The following GBP7 variants were observed in gnomAD, a reference collection of about 807,000 sequenced individuals.
GBP7 encodes guanylate-binding protein 7.
Under a neutral mutation model 61.3 loss-of-function variants are expected in GBP7, and 43 were observed. That is an observed-to-expected ratio of 0.70 (90% CI 0.55 to 0.91). The LOEUF (loss-of-function observed/expected upper bound fraction) is 0.91. Among genes scored for constraint, GBP7 ranks in the 40% least tolerant of loss-of-function variants. The probability of loss-of-function intolerance (pLI) is 0.00; values close to 1 mark genes in which losing one functional copy is unlikely to be tolerated. For synonymous variants in GBP7, 267 were observed against 271.0 expected, an observed-to-expected ratio of 0.99 and a Z score of 0.14; for missense variants, 717 against 740.5, an observed-to-expected ratio of 0.97 and a Z score of 0.37.
chr1:89,145,080 G>A (rs2100642797), intron 8 of GBP7, among the ~76,000 whole-genome samples: 1 of 151,580 alleles, frequency 6.6e-6, no homozygotes, highest in Middle Eastern at 3.4e-3. Context: ...AGCCTCCAGA[G>A]TAGCTGGGAC....
In GBP7 at chr1:89,150,334, T is replaced by C; in HGVS notation, c.867A>G (p.Gly289=). The C allele has an allele frequency of 1.2e-6, 2 of 1,612,632 alleles. No individual in the cohort carries two copies. Among genetic ancestry groups the C allele is most frequent in the Non-Finnish European group, 1.7e-6 (2 of 1,178,668 alleles). The part of the protein sequence containing the change: ...KTLREGILVT[G]NRLGMLVETY... ...CATATAGGGAAATAGACTCACGGTT[T>C]CCAGTGACAAGGATTCCCTCTCTCA... Residue 289 remains glycine (G), a synonymous_variant, in exon 6 of 11, where the codon GGA becomes GGG. Transcript: ENST00000294671.
intron 8 of GBP7, among the ~76,000 whole-genome samples, chr1:89,144,901 C>T (rs528654311): frequency 5.9e-5 from 9 of 152,142 alleles, no homozygotes; most frequent in Admixed American, 3.3e-4. Flanking sequence ...CCTCCTACCC[C>T]TCTCTGTCTG....
intron 3 of GBP7, among the ~76,000 whole-genome samples, chr1:89,153,930 A>G (rs1013151938): frequency 2.6e-5 from 4 of 152,252 alleles, no homozygotes; most frequent in Non-Finnish European, 4.4e-5. Flanking sequence ...GAGACCCAAC[A>G]GAACCCAAGT....
intron 8 of GBP7, among the ~76,000 whole-genome samples, chr1:89,146,342 G>C (rs1476470497): frequency 6.6e-6 from 1 of 152,018 alleles, no homozygotes; most frequent in African/African-American, 2.4e-5. Flanking sequence ...GAAAACCCAG[G>C]AAATACTCCT....
intron 2 of GBP7, among the ~76,000 whole-genome samples, chr1:89,168,589 A>G (rs796362040): frequency 1.6e-4 from 24 of 152,242 alleles, no homozygotes; most frequent in African/African-American, 5.5e-4. Context: ...ATTAACCACT[A>G]TACTCATTTG....
chr1:89,174,956 T>C (rs1647701054), intron 1 of GBP7, among the ~76,000 whole-genome samples: 1 of 152,234 alleles, frequency 6.6e-6, no homozygotes, highest in African/African-American at 2.4e-5. Context: ...TATGCACAAT[T>C]GTAATCATGC....
chr1:89,152,670 C>T lies in GBP7; in HGVS notation c.426G>A (p.Leu142=). 1 of 1,611,380 alleles carries T rather than the reference C, an allele frequency of 6.2e-7. No homozygotes were observed. Among genetic ancestry groups the T allele is most frequent in the Non-Finnish European group, 8.5e-7 (1 of 1,179,354 alleles). The stretch of plus-strand genomic sequence containing the variant: ...CTCTTCACTTCCTGGAAGGATACTG[C>T]AGCTGCTCCAGGGCCTGGTGGTTGA... ...GTINHQALEQ[L]HYVTELTELI... is the part of the protein sequence containing the mutation. The change falls in exon 4 of 11, where the codon CTG becomes CTA. Residue 142 remains leucine, a splice_region_variant and synonymous_variant. Coordinates refer to ENST00000294671, the MANE Select transcript of GBP7 (RefSeq NM_207398.3).
intron 3 of GBP7, among the ~76,000 whole-genome samples, chr1:89,162,366 GC>G (rs1647298648): frequency 6.6e-6 from 1 of 152,156 alleles, no homozygotes; most frequent in African/African-American, 2.4e-5. Context: ...ATTGCTTTGG[GC>G]AGTAAGGTAA....
intron 9 of GBP7, among the ~76,000 whole-genome samples, chr1:89,140,832 ATGT>A (rs1451183645): frequency 6.6e-6 from 1 of 152,242 alleles, no homozygotes; most frequent in East Asian, 1.9e-4. Flanking sequence ...GATAATGAAA[ATGT>A]TGTACATATA....
chr1:89,134,542 C>G (rs1308965036), intron 9 of GBP7, among the ~76,000 whole-genome samples: 1 of 151,652 alleles, frequency 6.6e-6, no homozygotes, highest in Middle Eastern at 3.2e-3. Flanking sequence ...TCCCAGCCTA[C>G]TAAGGTTCAA....
At chr1:89,141,983 C>G (rs1681965570) in intron 8 of GBP7, among the ~76,000 whole-genome samples, 1 of 152,098 alleles carries the variant, frequency 6.6e-6, no homozygotes, top group Non-Finnish European at 1.5e-5. Context: ...TTTCTTTTTT[C>G]TTTTGCCTGA....
chr1:89,157,692 T>G (rs1288955876), intron 3 of GBP7, among the ~76,000 whole-genome samples: 1 of 151,710 alleles, frequency 6.6e-6, no homozygotes, highest in African/African-American at 2.4e-5. Context: ...TAGCAGGCTC[T>G]GAAATTGAGG....
chr1:89,139,854 C>T (rs1681891820), intron 9 of GBP7, among the ~76,000 whole-genome samples: 1 of 152,126 alleles, frequency 6.6e-6, no homozygotes, highest in African/African-American at 2.4e-5. Context: ...GGACTGTAAA[C>T]TAGTTCAACC....
At chr1:89,151,791 C>A (rs1257772799) in intron 5 of GBP7, among the ~76,000 whole-genome samples, 1 of 151,684 alleles carries the variant, frequency 6.6e-6, no homozygotes, top group Non-Finnish European at 1.5e-5. Context: ...TCTCCTTTTT[C>A]TCTAAAGGTT....
chr1:89,137,944 C>T (rs1029944152), intron 9 of GBP7, among the ~76,000 whole-genome samples: 1 of 152,078 alleles, frequency 6.6e-6, no homozygotes, highest in Non-Finnish European at 1.5e-5. Context: ...TAAACATCAG[C>T]AAAGTTTCAG....
At chr1:89,144,944 C>G (rs1033990611) in intron 8 of GBP7, among the ~76,000 whole-genome samples, 1 of 143,010 alleles carries the variant, frequency 7.0e-6, no homozygotes, top group Non-Finnish European at 1.5e-5. Context: ...GTTAATGTGA[C>G]TTTCACTCTT....
In GBP7 at chr1:89,173,004, T is replaced by C. The variant is rs189306862; in HGVS notation, c.-19-1050A>G. On this transcript the variant is annotated intron_variant, in intron 1 of 10. Transcript: ENST00000294671. ...TACTTTACTGTCAATATTTGTTCTGTTACTCAACTTGTCCTAGATTTTGTC... is the reference window on the plus strand; with the variant it reads ...TACTTTACTGTCAATATTTGTTCTGCTACTCAACTTGTCCTAGATTTTGTC... 2.0e-5 allele frequency among the ~76,000 whole-genome samples: 3 copies of C among 152,310 alleles called. No individual in the cohort carries two copies. The East Asian group carries it at 5.8e-4, about 29-fold the overall frequency.
intron 2 of GBP7, among the ~76,000 whole-genome samples, chr1:89,168,578 A>G (rs1647505332): frequency 6.6e-6 from 1 of 152,128 alleles, no homozygotes; most frequent in African/African-American, 2.4e-5. Context: ...ACACCTGATG[A>G]ATTAACCACT....
At chr1:89,137,667 A>G (rs1384352634) in intron 9 of GBP7, among the ~76,000 whole-genome samples, 2 of 152,180 alleles carry the variant, frequency 1.3e-5, no homozygotes, top group African/African-American at 2.4e-5. Flanking sequence ...AATAAAAGCC[A>G]TCTATGAAAA....
Sources: allele counts gnomAD v4.1 joint callset (sites outside exome capture counted in the v4.1 genomes callset), GRCh38; gene constraint gnomAD v4.1.1; transcripts MANE v1.5; gene names NCBI Gene and HGNC (gene_info 2026-07-23, HGNC 2026-07-21).